Variants in MARCHF6 observed in about 807,000 individuals in gnomAD.
The protein encoded by MARCHF6 is E3 ubiquitin-protein ligase MARCHF6.
MARCHF6 carries 31 observed loss-of-function variants against 133.7 expected under a neutral mutation model. The ratio of observed to expected loss-of-function variants is 0.23; its 90% confidence interval spans 0.17 to 0.31. The LOEUF (loss-of-function observed/expected upper bound fraction) is 0.31. Among genes scored for constraint, MARCHF6 ranks in the 10% least tolerant of loss-of-function variants. The pLI, the probability that MARCHF6 is intolerant of heterozygous loss-of-function variation, is 1.00. For missense variants in MARCHF6, 723 were observed against 1,121.6 expected, an observed-to-expected ratio of 0.64 and a Z score of 5.08; for synonymous variants, 395 against 402.5, an observed-to-expected ratio of 0.98 and a Z score of 0.22.
intron 1 of MARCHF6, among the ~76,000 whole-genome samples, chr5:10,363,853 C>A (rs1335163638): frequency 6.6e-6 from 1 of 152,090 alleles, no homozygotes; most frequent in Admixed American, 6.6e-5. Flanking sequence ...AAGCCAGTCA[C>A]AAAAGAACAT....
At chr5:10,389,032 C>T (rs532059917) in intron 5 of MARCHF6, among the ~76,000 whole-genome samples, 54 of 152,214 alleles carry the variant, frequency 3.5e-4, no homozygotes, top group African/African-American at 1.1e-3. Context: ...CTATATTTTC[C>T]TAGAGGCCAT....
At position 10,353,808 on chromosome 5, in the gene MARCHF6, C is replaced by T. The variant is rs890669173; in HGVS notation, c.-91C>T. On this transcript the variant is annotated 5_prime_UTR_variant, in exon 1 of 26. Transcript: ENST00000274140. ...TCGCACCTGAGCGTACGCACCTGCC[C>T]GGGCCCGGCTCCCTCCTCCTCTCCC... The T allele has an allele frequency of 3.2e-5, 40 of 1,234,774 alleles. No individual in the cohort carries two copies. In the African/African-American group the frequency reaches 5.6e-4, roughly 17 times the overall value. The allele number at this position is 1,234,774 out of a possible 1,614,324, so 76.5% of individuals were successfully genotyped here. A position where few individuals can be genotyped will look rare whatever the true frequency, so the allele number is the denominator to read the frequency against.
rs773493111 is a variant in MARCHF6 at position 10,429,988 on chromosome 5, C to T, written c.2602C>T (p.Arg868Cys). ...VLMAILSFQV[R>C]QFKRLYEHIK... ...GATGGCAATTTTGTCCTTCCAAGTCCGCCAGTTTAAGCGCCTTTATGAACA... is the reference window on the plus strand; with the variant it reads ...GATGGCAATTTTGTCCTTCCAAGTCTGCCAGTTTAAGCGCCTTTATGAACA... Residue 868 changes from arginine (R) to cysteine (C), a missense_variant, in exon 25 of 26, where the codon CGC becomes TGC. By Grantham distance (180) the Arg-to-Cys change is radical. Around this residue, in one of 4 missense-constraint regions of MARCHF6, gnomAD observed 492 missense variants for 699.5 expected, o/e 0.70. Transcript: ENST00000274140. The T allele has an allele frequency of 1.1e-5, 18 of 1,613,298 alleles. No homozygotes were observed. Among genetic ancestry groups the T allele is most frequent in the Middle Eastern group, 1.6e-4 (1 of 6,084 alleles).
intron 10 of MARCHF6, 27 bp downstream of exon 10, chr5:10,397,371 T>A (rs773971062): frequency 3.3e-6 from 5 of 1,518,076 alleles, no homozygotes; most frequent in Admixed American, 2.1e-5. Flanking sequence ...CTTTTTTTTT[T>A]TATAGTATTA....
chr5:10,361,837 C>T (rs942623183), intron 1 of MARCHF6, among the ~76,000 whole-genome samples: 8 of 152,036 alleles, frequency 5.3e-5, no homozygotes, highest in South Asian at 2.1e-4. Flanking sequence ...GATCTCGGCT[C>T]ATGGCAACCT....
At position 10,433,142 on chromosome 5, in the gene MARCHF6, G is replaced by A. The variant is rs183580018; in HGVS notation, c.2643-452G>A. ...TGACCTCAGGTGATCCACTCGCCTC[G>A]GCCTCCCTACGTGCTGGGATTACAG... On this transcript the variant is annotated intron_variant, in intron 25 of 25. Coordinates refer to ENST00000274140, the MANE Select transcript of MARCHF6 (RefSeq NM_005885.4). Among the ~76,000 whole-genome samples, 53 of 152,194 alleles carry A rather than the reference G, an allele frequency of 3.5e-4. 1 individual carries two copies. In the East Asian group the frequency reaches 7.5e-3, roughly 22 times the overall value.
At chr5:10,354,038 T>C in intron 1 of MARCHF6, 121 bp downstream of exon 1, 2 of 1,023,512 alleles carry the variant, frequency 2.0e-6, no homozygotes, top group Non-Finnish European at 2.7e-6. Context: ...CTGGGCCGTT[T>C]GTCCACCCGC....
intron 17 of MARCHF6, among the ~76,000 whole-genome samples, chr5:10,409,794 AT>A (rs994834451): frequency 2.6e-5 from 4 of 152,084 alleles, no homozygotes; most frequent in Non-Finnish European, 5.9e-5. Context: ...GCCTTGAGAA[AT>A]TTTTAGGATA....
Position 10,433,788 on chromosome 5 carries a change from T to G in MARCHF6, c.*104T>G. On this transcript the variant is annotated 3_prime_UTR_variant, in exon 26 of 26. Coordinates refer to ENST00000274140, the MANE Select transcript of MARCHF6 (RefSeq NM_005885.4). ...TGATCTCTCAGCGTTGTTTTTAAGT[T>G]AAATGTATTTGACTTGTGTTCTCAG... The G allele has an allele frequency of 1.1e-6, 1 of 913,200 alleles. No individual in the cohort carries two copies. Among genetic ancestry groups the G allele is most frequent in the Non-Finnish European group, 1.8e-6 (1 of 565,412 alleles). The allele number at this position is 913,200 out of a possible 1,614,324, so 56.6% of individuals were successfully genotyped here.
intron 1 of MARCHF6, among the ~76,000 whole-genome samples, chr5:10,376,837 G>C (rs989308454): frequency 6.6e-6 from 1 of 152,170 alleles, no homozygotes; most frequent in Admixed American, 6.5e-5. Flanking sequence ...ATTAGTGATG[G>C]GGATCGGGAT....
chr5:10,371,762 C>CT (rs901493980), intron 1 of MARCHF6, among the ~76,000 whole-genome samples: 1 of 152,058 alleles, frequency 6.6e-6, no homozygotes, highest in South Asian at 2.1e-4. Context: ...CTTTTTTATA[C>CT]TTTTTTTTCT....
chr5:10,407,668 C>CTA (rs967635317), intron 17 of MARCHF6, among the ~76,000 whole-genome samples: 16 of 152,166 alleles, frequency 1.1e-4, no homozygotes, highest in Middle Eastern at 3.4e-3. Flanking sequence ...CTTAAGTGGG[C>CTA]TAAGGCCAGG....
At chr5:10,392,597 T>G (rs1737927799) in intron 7 of MARCHF6, among the ~76,000 whole-genome samples, 1 of 151,952 alleles carries the variant, frequency 6.6e-6, no homozygotes, top group Admixed American at 6.5e-5. Flanking sequence ...CTCCTAAAAA[T>G]ACAAAAATTA....
intron 3 of MARCHF6, among the ~76,000 whole-genome samples, chr5:10,380,446 A>ATGTGGGCTTTTACTT (rs1282345989): frequency 7.2e-5 from 11 of 152,210 alleles, no homozygotes; most frequent in Non-Finnish European, 1.5e-5. Context: ...GATAGGAAAT[A>ATGTGGGCTTTTACTT]TGTGGGCTTT....
At chr5:10,407,073 G>T in intron 16 of MARCHF6, 29 bp from the exon 17 acceptor site, 1 of 1,263,490 alleles carries the variant, frequency 7.9e-7, no homozygotes, top group Non-Finnish European at 1.2e-6. Context: ...GACTCTTATA[G>T]TGGTGTCATA....
In MARCHF6 at chr5:10,435,691, A is replaced by T. The variant is rs867378768; in HGVS notation, c.*2007A>T. ...TATATATATATATATATATATATAT[A>T]TATATATTTTTTTTTTTTTTTTTTT... On this transcript the variant is annotated 3_prime_UTR_variant, in exon 26 of 26. Coordinates refer to ENST00000274140, the MANE Select transcript of MARCHF6 (RefSeq NM_005885.4). The T allele has an allele frequency of 0.022, 153 of 6,992 alleles. 23 individuals are homozygous for T. The highest frequency in any genetic ancestry group is 0.11 in the African/African-American group (138 of 1,212). The allele number at this position is 6,992 out of a possible 1,614,324, so 0.4% of individuals were successfully genotyped here. A position where few individuals can be genotyped will look rare whatever the true frequency, so the allele number is the denominator to read the frequency against.
At position 10,429,682 on chromosome 5, in the gene MARCHF6, C is replaced by T. The variant is rs146009927; in HGVS notation, c.2507-211C>T. ...TCCCAAAGTGCTGGGATTACAGGCG[C>T]GAGCTACTATGCCTGGCCTCCTTGT... On this transcript the variant is annotated intron_variant, in intron 24 of 25. Coordinates refer to ENST00000274140, the MANE Select transcript of MARCHF6 (RefSeq NM_005885.4). Among the ~76,000 whole-genome samples, 920 of 152,152 alleles carry T rather than the reference C, an allele frequency of 6.0e-3. 12 individuals carry two copies. The highest frequency in any genetic ancestry group is 8.8e-3 in the Non-Finnish European group (595 of 67,978).
intron 1 of MARCHF6, among the ~76,000 whole-genome samples, chr5:10,358,873 C>G (rs1462328408): frequency 6.6e-6 from 1 of 152,154 alleles, no homozygotes. Context: ...CTTACACACA[C>G]AAACATGTAA....
intron 19 of MARCHF6, chr5:10,413,218 TAGTC>T (rs1395735282): frequency 6.6e-6 from 1 of 152,250 alleles, no homozygotes; most frequent in Non-Finnish European, 1.5e-5. Flanking sequence ...GCAGATCTCA[TAGTC>T]AGCTCCCGTT....
Sources: gnomAD v4.1 joint callset for allele counts (sites outside exome capture counted in the v4.1 genomes callset) on GRCh38, gnomAD v4.1.1 for gene constraint, gnomAD v4.1.1 regional missense constraint, MANE v1.5 for transcripts, NCBI Gene and HGNC (gene_info 2026-07-23, HGNC 2026-07-21) for gene names.